Variants in PCDHA6 observed in about 807,000 individuals in gnomAD.
PCDHA6 encodes protocadherin alpha-6.
Under a neutral mutation model 60.3 loss-of-function variants are expected in PCDHA6, and 55 were observed. The ratio of observed to expected loss-of-function variants is 0.91; its 90% CI spans 0.73 to 1.14. The LOEUF is 1.14. Among genes scored for constraint, PCDHA6 ranks in the 50% most tolerant of loss-of-function variants. The pLI is 0.00. For synonymous variants in PCDHA6, 652 were observed against 557.9 expected (o/e 1.17, Z -2.38); for missense variants, 1,327 against 1,256.5 (o/e 1.06, Z -0.85).
chr5:140,868,248 T>C (rs1554161850), intron 1 of PCDHA6: 1 of 152,160 alleles, frequency 6.6e-6, no homozygotes, highest in East Asian at 1.9e-4. Context: ...CAATAGACTT[T>C]TCCTTTGTGG....
chr5:141,009,701 C>G lies in PCDHA6; in HGVS notation c.2617C>G (p.Pro873Ala). The G allele has an allele frequency of 6.2e-7, 1 of 1,614,036 alleles. No homozygotes were observed. Among genetic ancestry groups the G allele is most frequent in the South Asian group, 1.1e-5 (1 of 91,056 alleles). The change falls in exon 4 of 4, where the codon CCA (proline) becomes GCA (alanine). Residue 873 changes from proline to alanine, a missense_variant. Coordinates refer to ENST00000529310, the MANE Select transcript of PCDHA6 (RefSeq NM_018909.4). ...NSNSWTFKYG[P>A]GNPKQSGPGE... ...CAACAGCTGGACCTTTAAATACGGA[C>G]CAGGCAACCCCAAACAATCCGGTCC...
intron 1 of PCDHA6, among the ~76,000 whole-genome samples, chr5:140,948,051 T>A (rs1554218425): frequency 2.0e-5 from 3 of 151,622 alleles, no homozygotes; most frequent in African/African-American, 7.2e-5. Context: ...CATGATTCAT[T>A]GTTGAATTTC....
intron 1 of PCDHA6, among the ~76,000 whole-genome samples, chr5:140,897,318 A>T (rs1420123207): frequency 1.4e-5 from 2 of 145,668 alleles, no homozygotes; most frequent in African/African-American, 2.5e-5. Flanking sequence ...TATCTCCTAA[A>T]GCTATCCCTC....
chr5:140,853,435 A>G lies in PCDHA6; in HGVS notation c.2394+22950A>G, dbSNP rs2150531946. ...GTGAAAGCAGAAGAGACACTTTCCTATTTTGCCTAATAGGTCTCCTTATAT... is the reference window on the plus strand; with the variant it reads ...GTGAAAGCAGAAGAGACACTTTCCTGTTTTGCCTAATAGGTCTCCTTATAT... On this transcript the variant is annotated intron_variant, in intron 1 of 3. Coordinates refer to ENST00000529310, the MANE Select transcript of PCDHA6 (RefSeq NM_018909.4). 6.1e-5 allele frequency: 60 copies of G among 984,096 alleles called. 8 individuals carry two copies. Among genetic ancestry groups the G allele is most frequent in the Non-Finnish European group, 6.7e-5 (55 of 816,498 alleles). The allele number at this position is 984,096 out of a possible 1,614,324, so 61.0% of individuals were successfully genotyped here.
intron 1 of PCDHA6, among the ~76,000 whole-genome samples, chr5:140,872,990 A>G (rs987650775): frequency 1.1e-4 from 17 of 152,184 alleles, no homozygotes; most frequent in African/African-American, 3.6e-4. Flanking sequence ...AAGATCATTT[A>G]CTTCTGAGTC....
At chr5:140,879,864 T>C (rs2058152773) in intron 1 of PCDHA6, among the ~76,000 whole-genome samples, 1 of 152,226 alleles carries the variant, frequency 6.6e-6, no homozygotes, top group Admixed American at 6.5e-5. Flanking sequence ...CCTTCTCAGC[T>C]TTCATGGTCA....
intron 3 of PCDHA6, among the ~76,000 whole-genome samples, chr5:140,987,224 A>T (rs28567024): frequency 4.6e-5 from 7 of 152,044 alleles, no homozygotes; most frequent in East Asian, 1.9e-4. Context: ...AAAAAAAAAA[A>T]AAATAATAAA....
intron 1 of PCDHA6, chr5:140,966,963 G>C: frequency 6.2e-7 from 1 of 1,602,992 alleles, no homozygotes; most frequent in Non-Finnish European, 8.5e-7. Context: ...CGCGCGCTGG[G>C]GCTTGAGCTG....
In PCDHA6 at chr5:140,835,453, TC is replaced by T. The variant is rs1554134997; in HGVS notation, c.2394+4971del. 1.9e-6 allele frequency: 3 copies of T among 1,613,816 alleles called. No homozygotes were observed. The Admixed American group carries it at 5.0e-5, about 27-fold the overall frequency. ...CAGTTGACTCTCACTTCCCTGTCTC[TC>T]CCTATTCCAGAGGACGCCCAACCAG... On this transcript the variant is annotated intron_variant, in intron 1 of 3. Transcript: ENST00000529310.
rs185756096 is a variant in PCDHA6, at chr5:140,914,471, T to C, written c.2395-64478T>C. On this transcript the variant is annotated intron_variant, in intron 1 of 3. Coordinates refer to ENST00000529310, the MANE Select transcript of PCDHA6 (RefSeq NM_018909.4). The stretch of plus-strand genomic sequence containing the variant: ...ATTTTCCAGTCTATGTGTATCTTCA[T>C]AGGTGAAGTGTTTCTTGTGGGCAAC... Among the ~76,000 whole-genome samples the C allele has an allele frequency of 2.9e-3, 442 of 152,310 alleles. 1 individual carries two copies. Among genetic ancestry groups the C allele is most frequent in the African/African-American group, 0.01 (423 of 41,574 alleles).
intron 1 of PCDHA6, chr5:140,870,719 C>A (rs782257127): frequency 1.9e-6 from 3 of 1,613,084 alleles, no homozygotes; most frequent in Admixed American, 3.3e-5. Flanking sequence ...GCGCGCGATG[C>A]GGGCGTGCCG....
intron 1 of PCDHA6, among the ~76,000 whole-genome samples, chr5:140,896,566 G>A (rs1562891221): frequency 6.7e-6 from 1 of 150,252 alleles, no homozygotes; most frequent in Non-Finnish European, 1.5e-5. Context: ...AAGTAGAGAT[G>A]GGGTTTTGAC....
intron 1 of PCDHA6, chr5:140,875,562 G>A (rs2055601257): frequency 6.2e-7 from 1 of 1,614,120 alleles, no homozygotes; most frequent in Non-Finnish European, 8.5e-7. Context: ...GGAGCGGCCA[G>A]CTCCACTACT....
rs782017107 is a variant in PCDHA6 at position 140,968,690 on chromosome 5, A to G, written c.2395-10259A>G. ...TAAGGTAGAGCTGCACACAGGAGAAATTAGGACTACCAGGAAGATGGGAGA... is the reference window on the plus strand; with the variant it reads ...TAAGGTAGAGCTGCACACAGGAGAAGTTAGGACTACCAGGAAGATGGGAGA... On this transcript the variant is annotated intron_variant, in intron 1 of 3. Transcript: ENST00000529310. 60 of 1,614,030 alleles carry G rather than the reference A, an allele frequency of 3.7e-5. No individual in the cohort carries two copies. The highest frequency in any genetic ancestry group is 4.8e-5 in the Non-Finnish European group (57 of 1,180,040).
chr5:140,967,029 G>A, intron 1 of PCDHA6: 1 of 1,609,056 alleles, frequency 6.2e-7, no homozygotes, highest in Non-Finnish European at 8.5e-7. Flanking sequence ...CCCAGTCCGC[G>A]CTACCTGGAG....
intron 1 of PCDHA6, among the ~76,000 whole-genome samples, chr5:140,950,537 C>T (rs1439965496): frequency 1.3e-5 from 2 of 152,002 alleles, no homozygotes; most frequent in Non-Finnish European, 1.5e-5. Flanking sequence ...TTTTGTTGCT[C>T]TTGCATGGCT....
chr5:140,926,906 G>A (rs781809570), intron 1 of PCDHA6: 1 of 1,559,584 alleles, frequency 6.4e-7, no homozygotes, highest in Admixed American at 1.8e-5. Context: ...GTGGGCTGTG[G>A]GGTGGCAGTT....
In PCDHA6 at chr5:140,875,872, A is replaced by C. The variant is rs1554168004; in HGVS notation, c.2394+45387A>C. Reference sequence around the variant, plus strand: ...CATTAACGACAACCCGCCGGTGTTCAGAGAAAGGGAACAAAAGGTACCTGT... The same window carrying C: ...CATTAACGACAACCCGCCGGTGTTCCGAGAAAGGGAACAAAAGGTACCTGT... On this transcript the variant is annotated intron_variant, in intron 1 of 3. Coordinates refer to ENST00000529310, the MANE Select transcript of PCDHA6 (RefSeq NM_018909.4). 1.9e-6 allele frequency: 3 copies of C among 1,614,224 alleles called. No individual in the cohort carries two copies. In the East Asian group the frequency reaches 6.7e-5, roughly 36 times the overall value.
At chr5:140,927,475 C>A in intron 1 of PCDHA6, 1 of 1,614,110 alleles carries the variant, frequency 6.2e-7, no homozygotes, top group Non-Finnish European at 8.5e-7. Flanking sequence ...GGATCGCGAA[C>A]AGCGCGCCAC....
Sources: gnomAD v4.1 joint callset for allele counts (sites outside exome capture counted in the v4.1 genomes callset) on GRCh38, gnomAD v4.1.1 for gene constraint, MANE v1.5 for transcripts, NCBI Gene and HGNC (gene_info 2026-07-23, HGNC 2026-07-21) for gene names.